Variants in CNIH3 observed in about 807,000 individuals in gnomAD.
CNIH3 encodes protein cornichon homolog 3.
Under a neutral mutation model 24.1 loss-of-function variants are expected in CNIH3, and 14 were observed. That is an observed-to-expected ratio of 0.58 (90% CI 0.38 to 0.91). The LOEUF (loss-of-function observed/expected upper bound fraction) is 0.91, where lower values mean the gene tolerates loss of function less well. CNIH3 is among the 40% of genes least tolerant of loss of function. The pLI, the probability that CNIH3 is intolerant of heterozygous loss-of-function variation, is 0.00. For missense variants in CNIH3, 178 were observed against 196.8 expected (o/e 0.90, Z 0.57); for synonymous variants, 68 against 73.8 (o/e 0.92, Z 0.40).
At chr1:224,444,254 G>A (rs184991356) in intron 1 of CNIH3, among the ~76,000 whole-genome samples, 20 of 152,240 alleles carry the variant, frequency 1.3e-4, no homozygotes, top group Admixed American at 7.8e-4. Flanking sequence ...ATTGTCATCA[G>A]ATATGCAATT....
At chr1:224,654,716 A>G (rs551526415) in intron 1 of CNIH3, among the ~76,000 whole-genome samples, 15 of 152,344 alleles carry the variant, frequency 9.8e-5, no homozygotes, top group Admixed American at 8.5e-4. Context: ...AAGAAGCTGT[A>G]TTGCCCAAAG....
intron 1 of CNIH3, among the ~76,000 whole-genome samples, chr1:224,474,977 G>A (rs1298593310): frequency 2.0e-5 from 3 of 151,066 alleles, no homozygotes; most frequent in Admixed American, 6.6e-5. Flanking sequence ...CCCGGGAGGC[G>A]GGGCTTGCAG....
chr1:224,486,037 C>T (rs560852896), intron 1 of CNIH3, among the ~76,000 whole-genome samples: 366 of 152,006 alleles, frequency 2.4e-3, no homozygotes, highest in Non-Finnish European at 4.3e-3. Flanking sequence ...AGGATGCATA[C>T]GATATGAAAA....
At chr1:224,670,254 A>T (rs555371575) in intron 1 of CNIH3, among the ~76,000 whole-genome samples, 26 of 152,204 alleles carry the variant, frequency 1.7e-4, no homozygotes, top group African/African-American at 6.3e-4. Flanking sequence ...TGAGGAAGGG[A>T]TGTAGCTATG....
At chr1:224,735,832 A>G (rs1340286666) in intron 5 of CNIH3, among the ~76,000 whole-genome samples, 1 of 149,396 alleles carries the variant, frequency 6.7e-6, no homozygotes, top group Admixed American at 6.6e-5. Context: ...TTTTTTTTTA[A>G]TTTTAAAATT....
intron 1 of CNIH3, among the ~76,000 whole-genome samples, chr1:224,632,180 G>A (rs1052176433): frequency 6.6e-6 from 1 of 152,182 alleles, no homozygotes; most frequent in African/African-American, 2.4e-5. Context: ...ATGGGGCGCA[G>A]GGAGAGAGGT....
intron 3 of CNIH3, among the ~76,000 whole-genome samples, chr1:224,695,553 T>C (rs748564372): frequency 3.9e-5 from 6 of 152,232 alleles, no homozygotes; most frequent in Non-Finnish European, 8.8e-5. Context: ...GCTCACCAGA[T>C]GGTCAGTACC....
downstream of CNIH3, among the ~76,000 whole-genome samples, chr1:224,590,811 G>A (rs2405312): frequency 0.17 from 13,728 of 81,236 alleles, 581 homozygotes; most frequent in South Asian, 0.34. Flanking sequence ...CCACCGCCCC[G>A]CCCCCGCAAC....
chr1:224,441,699 T>C (rs1438120616), intron 1 of CNIH3, among the ~76,000 whole-genome samples: 2 of 152,194 alleles, frequency 1.3e-5, no homozygotes, highest in Non-Finnish European at 2.9e-5. Flanking sequence ...AACTAGGCAT[T>C]TAAAACAGAA....
chr1:224,622,458 C>G (rs186272929), intron 1 of CNIH3, among the ~76,000 whole-genome samples: 1 of 152,142 alleles, frequency 6.6e-6, no homozygotes, highest in Non-Finnish European at 1.5e-5. Flanking sequence ...CGTTGCTTGC[C>G]GCTTTATCCT....
intron 3 of CNIH3, among the ~76,000 whole-genome samples, chr1:224,698,857 G>T (rs181109013): frequency 6.6e-6 from 1 of 150,964 alleles, no homozygotes; most frequent in East Asian, 1.9e-4. Context: ...CTGATGGAAT[G>T]AATGAATGAA....
chr1:224,648,255 A>G (rs930441564), intron 1 of CNIH3, among the ~76,000 whole-genome samples: 1 of 152,010 alleles, frequency 6.6e-6, no homozygotes, highest in Admixed American at 6.6e-5. Context: ...CTATTAAAAT[A>G]CAAAAATTAG....
intron 1 of CNIH3, among the ~76,000 whole-genome samples, chr1:224,671,606 C>T (rs1685871701): frequency 6.6e-6 from 1 of 152,228 alleles, no homozygotes; most frequent in African/African-American, 2.4e-5. Flanking sequence ...TCTCATTCTT[C>T]TTGATTCTTC....
Position 224,530,189 on chromosome 1 carries a change from C to T in CNIH3, n.344-6747C>T, listed in dbSNP as rs114797809. Among the ~76,000 whole-genome samples, 1,485 of 152,188 alleles carry T rather than the reference C, an allele frequency of 9.8e-3. 28 individuals are homozygous for T. Among genetic ancestry groups the T allele is most frequent in the African/African-American group, 0.033 (1,362 of 41,518 alleles). On this transcript the variant is annotated intron_variant and non_coding_transcript_variant, in intron 2 of 2. Coordinates refer to the CNIH3 transcript ENST00000470602. The stretch of plus-strand genomic sequence containing the variant: ...GTAAGGTCGTTTCCAGGAGGAATGC[C>T]GGAGGGGACTAGAGAATATGCTGTA...
intron 2 of CNIH3, among the ~76,000 whole-genome samples, chr1:224,535,005 T>C (rs533777664): frequency 5.1e-4 from 78 of 152,296 alleles, no homozygotes; most frequent in African/African-American, 1.9e-3. Flanking sequence ...CCGGCCTATA[T>C]TTCCACATCT....
intron 1 of CNIH3, among the ~76,000 whole-genome samples, chr1:224,470,571 C>T (rs1474101362): frequency 6.6e-5 from 10 of 152,126 alleles, no homozygotes; most frequent in Admixed American, 1.3e-4. Flanking sequence ...CCTTCTGCCT[C>T]GGCCTTTCAA....
intron 3 of CNIH3, among the ~76,000 whole-genome samples, chr1:224,702,536 G>A (rs1687554465): frequency 6.6e-6 from 1 of 152,230 alleles, no homozygotes; most frequent in East Asian, 1.9e-4. Flanking sequence ...CTGTTGCAGA[G>A]GCGGCCTTCT....
intron 2 of CNIH3, among the ~76,000 whole-genome samples, chr1:224,681,283 C>T (rs1340995758): frequency 6.6e-6 from 1 of 152,148 alleles, no homozygotes; most frequent in Non-Finnish European, 1.5e-5. Flanking sequence ...CCCTTGAGTC[C>T]TCAAAGCCTG....
At chr1:224,444,014 T>G (rs1427638698) in intron 1 of CNIH3, among the ~76,000 whole-genome samples, 1 of 152,192 alleles carries the variant, frequency 6.6e-6, no homozygotes. Flanking sequence ...ATTTTAAACA[T>G]ACATAAAGGT....
Sources: gnomAD v4.1 joint callset for allele counts (sites outside exome capture counted in the v4.1 genomes callset) on GRCh38, gnomAD v4.1.1 for gene constraint, MANE v1.5 for transcripts, NCBI Gene and HGNC (gene_info 2026-07-23, HGNC 2026-07-21) for gene names.